MACROD2: variants seen among roughly 807,000 people sequenced by gnomAD.
MACROD2 encodes the protein mono-ADP ribosylhydrolase 2, also known as ADP-ribose glycohydrolase MACROD2.
MACROD2 carries 36 observed loss-of-function variants against 70.4 expected under a neutral mutation model. The ratio of observed to expected loss-of-function variants is 0.51; its 90% confidence interval spans 0.39 to 0.68. The LOEUF is 0.68. Ranked by LOEUF, MACROD2 falls within the 30% of genes least tolerant of loss-of-function variation. The pLI is 0.00. For synonymous variants in MACROD2, 172 were observed against 178.8 expected (o/e 0.96, Z 0.30); for missense variants, 496 against 538.4 (o/e 0.92, Z 0.78).
At chr20:14,657,357 A>G (rs1986026126) in intron 4 of MACROD2, among the ~76,000 whole-genome samples, 1 of 152,200 alleles carries the variant, frequency 6.6e-6, no homozygotes, top group Non-Finnish European at 1.5e-5. Flanking sequence ...CACTTTAGAC[A>G]AGTAAATAAA....
chr20:15,463,086 C>T (rs187659362), intron 7 of MACROD2, among the ~76,000 whole-genome samples: 12 of 152,310 alleles, frequency 7.9e-5, no homozygotes, highest in African/African-American at 2.6e-4. Context: ...TCTTCATACA[C>T]ATAGGAATTC....
chr20:14,222,627 C>T (rs2081686608), intron 3 of MACROD2, among the ~76,000 whole-genome samples: 1 of 151,972 alleles, frequency 6.6e-6, no homozygotes, highest in African/African-American at 2.4e-5. Flanking sequence ...ATACCTCATA[C>T]ATTTATACAA....
chr20:14,043,010 C>G (rs937959948), intron 2 of MACROD2, among the ~76,000 whole-genome samples: 79 of 109,852 alleles, frequency 7.2e-4, no homozygotes, highest in African/African-American at 2.3e-3. Flanking sequence ...CCTCGACCTT[C>G]TGAGCTCATA....
intron 7 of MACROD2, among the ~76,000 whole-genome samples, chr20:15,437,810 A>T (rs2046445780): frequency 1.3e-5 from 2 of 152,076 alleles, no homozygotes; most frequent in African/African-American, 4.8e-5. Context: ...CTGCATCCGT[A>T]TTCCTGCAAA....
intron 3 of MACROD2, among the ~76,000 whole-genome samples, chr20:14,374,815 G>A (rs2083356982): frequency 6.6e-6 from 1 of 152,126 alleles, no homozygotes; most frequent in Non-Finnish European, 1.5e-5. Flanking sequence ...AACCATGACA[G>A]TGGACCGAAA....
At chr20:15,163,350 T>C (rs1972602969) in intron 5 of MACROD2, among the ~76,000 whole-genome samples, 1 of 152,000 alleles carries the variant, frequency 6.6e-6, no homozygotes, top group South Asian at 2.1e-4. Flanking sequence ...TCAGAAATAC[T>C]ATTTAAAAAG....
intron 6 of MACROD2, among the ~76,000 whole-genome samples, chr20:15,286,608 C>T (rs2077494442): frequency 6.6e-6 from 1 of 151,358 alleles, no homozygotes; most frequent in South Asian, 2.1e-4. Context: ...AGATATAACA[C>T]AGGGTGAGCA....
rs141289169 is a variant in MACROD2 at position 15,006,141 on chromosome 20, A to ATATATGTGTG, written c.419-223798_419-223797insATATGTGTGT. ...CAAAGAATGCATTTTATATATATAT[A>ATATATGTGTG]TGTGTGTGTGTGTGTGTGTGTGTGT... On this transcript the variant is annotated intron_variant, in intron 5 of 17. Transcript: ENST00000684519. Among the ~76,000 whole-genome samples the ATATATGTGTG allele has an allele frequency of 1.1e-4, 15 of 134,364 alleles. No individual in the cohort carries two copies. In the South Asian group the frequency reaches 1.7e-3, roughly 15 times the overall value. The allele number at this position is 134,364 out of a possible 152,430, so 88.1% of individuals were successfully genotyped here.
At chr20:14,756,450 C>A (rs1485325541) in intron 5 of MACROD2, among the ~76,000 whole-genome samples, 1 of 152,068 alleles carries the variant, frequency 6.6e-6, no homozygotes. Context: ...AGGTAGTGAG[C>A]TTCATGACAG....
intron 3 of MACROD2, among the ~76,000 whole-genome samples, chr20:14,394,573 C>CT (rs1472618330): frequency 1.3e-5 from 2 of 151,912 alleles, no homozygotes; most frequent in Admixed American, 6.6e-5. Context: ...TTTTTTCTGC[C>CT]TTTTTTTAGT....
chr20:14,474,744 GT>G, intron 3 of MACROD2, among the ~76,000 whole-genome samples: 1 of 152,062 alleles, frequency 6.6e-6, no homozygotes, highest in Non-Finnish European at 1.5e-5. Flanking sequence ...GCTTTTCACA[GT>G]TTTTGACTTA....
chr20:15,813,066 A>G (rs936355840), intron 8 of MACROD2, among the ~76,000 whole-genome samples: 4 of 152,166 alleles, frequency 2.6e-5, no homozygotes, highest in East Asian at 1.9e-4. Flanking sequence ...TTTTTCCTAT[A>G]TATTTTATTA....
intron 3 of MACROD2, chr20:14,328,911 C>T (rs1054691632): frequency 1.3e-5 from 2 of 151,884 alleles, no homozygotes; most frequent in Non-Finnish European, 2.9e-5. Context: ...TTTTGTGTAG[C>T]TTAATTCCCT....
At chr20:14,772,202 C>A (rs2072178325) in intron 5 of MACROD2, among the ~76,000 whole-genome samples, 1 of 151,908 alleles carries the variant, frequency 6.6e-6, no homozygotes, top group South Asian at 2.1e-4. Flanking sequence ...TTATTTATAT[C>A]ATTTTATGTT....
intron 8 of MACROD2, among the ~76,000 whole-genome samples, chr20:15,758,757 G>C (rs1568544527): frequency 6.6e-6 from 1 of 151,616 alleles, no homozygotes; most frequent in Non-Finnish European, 1.5e-5. Context: ...TGCCCAGGAT[G>C]GTCTTGAATG....
chr20:15,899,381 C>CCTCAGA (rs1416043081), intron 10 of MACROD2, among the ~76,000 whole-genome samples: 5 of 151,982 alleles, frequency 3.3e-5, no homozygotes, highest in African/African-American at 9.7e-5. Flanking sequence ...TGGAAAGATA[C>CCTCAGA]ATATCAAGTT....
At chr20:15,945,617 T>G (rs1180757086) in intron 12 of MACROD2, among the ~76,000 whole-genome samples, 1 of 152,232 alleles carries the variant, frequency 6.6e-6, no homozygotes, top group African/African-American at 2.4e-5. Flanking sequence ...GCAATTCATA[T>G]TTCTATCAGC....
chr20:14,117,162 A>G (rs934494739), intron 3 of MACROD2, among the ~76,000 whole-genome samples: 5 of 151,846 alleles, frequency 3.3e-5, no homozygotes, highest in African/African-American at 7.3e-5. Context: ...CTATTTCCCT[A>G]TCGCTTTATC....
At chr20:15,001,137 A>G (rs868339791) in intron 5 of MACROD2, among the ~76,000 whole-genome samples, 5 of 152,326 alleles carry the variant, frequency 3.3e-5, no homozygotes, top group Admixed American at 6.5e-5. Flanking sequence ...GATAGCAGGT[A>G]GGAAGTCTCA....
Sources: allele counts gnomAD v4.1 joint callset (sites outside exome capture counted in the v4.1 genomes callset), GRCh38; gene constraint gnomAD v4.1.1; transcripts MANE v1.5; gene names NCBI Gene and HGNC (gene_info 2026-07-23, HGNC 2026-07-21).